KCNC2: variants seen among roughly 807,000 people sequenced by gnomAD.
The protein encoded by KCNC2 is potassium voltage-gated channel subfamily C member 2.
In KCNC2, 21 loss-of-function variants were observed where a neutral mutation model predicts 44.5. That is an observed-to-expected ratio of 0.47 (90% CI 0.33 to 0.68). KCNC2 has a LOEUF of 0.68. Ranked by LOEUF, KCNC2 falls within the 30% of genes least tolerant of loss-of-function variation. The probability of loss-of-function intolerance (pLI) is 0.01; values close to 1 mark genes in which losing one functional copy is unlikely to be tolerated. For missense variants in KCNC2, 589 were observed against 826.2 expected (o/e 0.71, Z 3.52); for synonymous variants, 391 against 339.1 (o/e 1.15, Z -1.68).
At position 75,042,648 on chromosome 12, in the gene KCNC2, A is replaced by G; in HGVS notation, c.*457T>C. ...GCAACATTGCTTTCAGGTGATAGAG[A>G]CAAGATGGTCCATGCAAATGAGCTG... On this transcript the variant is annotated 3_prime_UTR_variant, in exon 5 of 5. Transcript: ENST00000549446. 9 of 1,231,466 alleles carry G rather than the reference A, an allele frequency of 7.3e-6. No homozygotes were observed. The highest frequency in any genetic ancestry group is 8.1e-6 in the Non-Finnish European group (8 of 983,958). The allele number at this position is 1,231,466 out of a possible 1,614,324, so 76.3% of individuals were successfully genotyped here. A position where few individuals can be genotyped will look rare whatever the true frequency, so the allele number is the denominator to read the frequency against.
intron 2 of KCNC2, among the ~76,000 whole-genome samples, chr12:75,193,174 A>T (rs2030451667): frequency 6.6e-6 from 1 of 152,224 alleles, no homozygotes; most frequent in Non-Finnish European, 1.5e-5. Context: ...GTCCAACTGT[A>T]GTTGAAGATA....
intron 3 of KCNC2, among the ~76,000 whole-genome samples, chr12:75,049,202 A>G (rs1880896397): frequency 6.6e-6 from 1 of 152,158 alleles, no homozygotes; most frequent in South Asian, 2.1e-4. Flanking sequence ...TACAAACTTC[A>G]GCTCCAGCCA....
chr12:75,157,474 A>G (rs1421745648), intron 2 of KCNC2, among the ~76,000 whole-genome samples: 1 of 151,904 alleles, frequency 6.6e-6, no homozygotes, highest in African/African-American at 2.4e-5. Flanking sequence ...GGTTTCTTGT[A>G]ACAAAATTCA....
At chr12:75,154,629 C>G (rs1052967697) in intron 2 of KCNC2, among the ~76,000 whole-genome samples, 2 of 151,970 alleles carry the variant, frequency 1.3e-5, no homozygotes, top group Non-Finnish European at 2.9e-5. Flanking sequence ...TACATAGATG[C>G]CATCATATTT....
rs998530552 is a variant in KCNC2 at position 75,207,817 on chromosome 12, G to T, written c.167C>A (p.Pro56Gln). The change falls in exon 2 of 5, where the codon CCG becomes CAG. Residue 56 changes from proline (P) to glutamine (Q), a missense_variant. By Grantham distance (76) the Pro-to-Gln change is moderately conservative. Coordinates refer to ENST00000549446, the MANE Select transcript of KCNC2 (RefSeq NM_139137.4). The surrounding 1 kb of genome is among the most constrained non-coding windows in gnomAD (Gnocchi z 4.1). ...CGGCGGCGACAGTGGAGGCGGCGAC[G>T]GCTGCAGCTTGTCGCCCGCCGTGGT... ...CLTTAGDKLQ[P>Q]SPPPLSPPPR... 1.9e-6 allele frequency: 3 copies of T among 1,605,584 alleles called. No homozygotes were observed. Among genetic ancestry groups the T allele is most frequent in the African/African-American group, 2.7e-5 (2 of 74,282 alleles).
Position 75,046,193 on chromosome 12 carries a change from A to G in KCNC2, c.1780+1960T>C, listed in dbSNP as rs1339838066. Among the ~76,000 whole-genome samples the G allele has an allele frequency of 9.1e-4, 138 of 151,872 alleles. 2 individuals carry two copies. The highest frequency in any genetic ancestry group is 1.9e-4 in the East Asian group (1 of 5,158). On this transcript the variant is annotated intron_variant, in intron 4 of 4. Coordinates refer to ENST00000549446, the MANE Select transcript of KCNC2 (RefSeq NM_139137.4). Reference sequence around the variant, plus strand: ...AGAAATGACAAACAATAAAAAACTCATGAATAAATTTTCAATGATGTTCTC... The same window carrying G: ...AGAAATGACAAACAATAAAAAACTCGTGAATAAATTTTCAATGATGTTCTC...
chr12:75,070,218 G>A (rs528660750), intron 2 of KCNC2, among the ~76,000 whole-genome samples: 1 of 152,150 alleles, frequency 6.6e-6, no homozygotes, highest in East Asian at 1.9e-4. Context: ...GGGAAGCCGA[G>A]GCAGGCGGAT....
chr12:75,067,399 A>T (rs1002757294), intron 2 of KCNC2, among the ~76,000 whole-genome samples: 6 of 152,188 alleles, frequency 3.9e-5, no homozygotes, highest in African/African-American at 7.2e-5. Flanking sequence ...ATTCATGTTT[A>T]AAAAATTCAT....
chr12:75,041,418 G>T lies in KCNC2; in HGVS notation c.*1687C>A, dbSNP rs921649949. ...GGGGATATAGAGTAATACATGTTTC[G>T]TGGCCAATAATAAAAGTGACAATTG... On this transcript the variant is annotated 3_prime_UTR_variant, in exon 5 of 5. Coordinates refer to ENST00000549446, the MANE Select transcript of KCNC2 (RefSeq NM_139137.4). 20 of 1,296,664 alleles carry T rather than the reference G, an allele frequency of 1.5e-5. No homozygotes were observed. Among genetic ancestry groups the T allele is most frequent in the Non-Finnish European group, 1.9e-5 (19 of 1,018,140 alleles). The allele number at this position is 1,296,664 out of a possible 1,614,324, so 80.3% of individuals were successfully genotyped here. A position where few individuals can be genotyped will look rare whatever the true frequency, so the allele number is the denominator to read the frequency against.
intron 2 of KCNC2, among the ~76,000 whole-genome samples, chr12:75,200,263 C>T (rs538370965): frequency 6.6e-6 from 1 of 151,872 alleles, no homozygotes; most frequent in African/African-American, 2.4e-5. Flanking sequence ...GTCACAAGAT[C>T]TAAATACTAG....
chr12:75,147,444 G>C (rs189590101), intron 2 of KCNC2, among the ~76,000 whole-genome samples: 74 of 152,090 alleles, frequency 4.9e-4, no homozygotes, highest in Non-Finnish European at 7.2e-4. Flanking sequence ...ACCAACTTAC[G>C]ACCTAATTGA....
At chr12:75,063,091 G>T (rs1311069816) in intron 2 of KCNC2, among the ~76,000 whole-genome samples, 1 of 151,998 alleles carries the variant, frequency 6.6e-6, no homozygotes, top group Non-Finnish European at 1.5e-5. Flanking sequence ...CATTAGGCAA[G>T]AGCCAGAATT....
intron 2 of KCNC2, among the ~76,000 whole-genome samples, chr12:75,116,778 C>T (rs1321082303): frequency 6.6e-6 from 1 of 152,096 alleles, no homozygotes; most frequent in East Asian, 1.9e-4. Context: ...CCCTTCTTAA[C>T]GGACACCATA....
chr12:75,053,083 C>T (rs1223483696), intron 2 of KCNC2, among the ~76,000 whole-genome samples: 1 of 152,118 alleles, frequency 6.6e-6, no homozygotes, highest in Non-Finnish European at 1.5e-5. Flanking sequence ...CACTTAGTAT[C>T]ATAAAGATCC....
intron 2 of KCNC2, among the ~76,000 whole-genome samples, chr12:75,067,483 A>T (rs1268278220): frequency 2.0e-5 from 3 of 152,328 alleles, no homozygotes; most frequent in East Asian, 3.9e-4. Flanking sequence ...GAACAGTCCT[A>T]TGAGAATGAA....
intron 2 of KCNC2, among the ~76,000 whole-genome samples, chr12:75,080,882 C>G (rs1884437971): frequency 6.6e-6 from 1 of 151,976 alleles, no homozygotes; most frequent in African/African-American, 2.4e-5. Context: ...CACTCTATGA[C>G]AGCATAGCCC....
intron 2 of KCNC2, among the ~76,000 whole-genome samples, chr12:75,172,400 G>T (rs1891890419): frequency 6.6e-6 from 1 of 151,534 alleles, no homozygotes; most frequent in Admixed American, 6.6e-5. Flanking sequence ...GGTGATGGAT[G>T]ATCTGTGCAG....
At chr12:75,170,013 CT>C in intron 2 of KCNC2, among the ~76,000 whole-genome samples, 1 of 151,770 alleles carries the variant, frequency 6.6e-6, no homozygotes. Context: ...TTATTTTAAT[CT>C]TTTCATATAT....
chr12:75,112,400 A>G (rs1366133591), intron 2 of KCNC2, among the ~76,000 whole-genome samples: 4 of 152,040 alleles, frequency 2.6e-5, no homozygotes, highest in Non-Finnish European at 5.9e-5. Context: ...TAAATCTTCA[A>G]AAGTTCTGTG....
Sources: allele counts gnomAD v4.1 joint callset (sites outside exome capture counted in the v4.1 genomes callset), GRCh38; gene constraint gnomAD v4.1.1; non-coding constraint Gnocchi (gnomAD v3.1); transcripts MANE v1.5; gene names NCBI Gene and HGNC (gene_info 2026-07-23, HGNC 2026-07-21).